The following DNAH11 variants were observed in gnomAD, a reference collection of about 807,000 sequenced individuals.
The protein encoded by DNAH11 is axonemal beta dynein heavy chain 11.
In DNAH11, 442 loss-of-function variants were observed where a neutral mutation model predicts 526.0. The observed-to-expected ratio is 0.84, with a 90% CI of 0.78 to 0.91. The LOEUF is 0.91. Ranked by LOEUF, DNAH11 falls within the 40% of genes least tolerant of loss-of-function variation. The pLI, the probability that DNAH11 is intolerant of heterozygous loss-of-function variation, is 0.00. For synonymous variants in DNAH11, 2,461 were observed against 1,935.9 expected (o/e 1.27, Z -7.12); for missense variants, 6,989 against 5,448.7 (o/e 1.28, Z -8.90).
Position 21,702,725 on chromosome 7 carries a change from G to A in DNAH11, c.6196G>A (p.Gly2066Arg). 6.2e-7 allele frequency: 1 copy of A among 1,613,420 alleles called. No homozygotes were observed. The highest frequency in any genetic ancestry group is 1.7e-4 in the Middle Eastern group (1 of 6,060). The change falls in exon 37 of 82, where the codon GGA becomes AGA. Residue 2066 changes from glycine to arginine, a missense_variant. Physicochemically the swap from Gly to Arg is moderately radical, Grantham distance 125. Transcript: ENST00000409508. ...LLSKQDHYDW[G>R]LRAIKSVLVV... ...TTGATTTTAGGATCATTACGACTGG[G>A]GACTTCGTGCTATTAAGTCTGTCTT...
intron 61 of DNAH11, among the ~76,000 whole-genome samples, chr7:21,792,061 T>C (rs1465304858): frequency 1.3e-5 from 2 of 152,286 alleles, no homozygotes; most frequent in Non-Finnish European, 2.9e-5. Flanking sequence ...GAGTGACAGA[T>C]GGGCCTTTTT....
intron 72 of DNAH11, among the ~76,000 whole-genome samples, chr7:21,868,268 G>A (rs1783362839): frequency 6.6e-6 from 1 of 152,076 alleles, no homozygotes; most frequent in Admixed American, 6.5e-5. Context: ...GGGCCAGAGG[G>A]CAATTTTCCA....
At chr7:21,803,090 T>C (rs1448151612) in intron 62 of DNAH11, among the ~76,000 whole-genome samples, 1 of 152,072 alleles carries the variant, frequency 6.6e-6, no homozygotes, top group African/African-American at 2.4e-5. Context: ...ATATAACATA[T>C]ATATCTAAAA....
At chr7:21,622,787 C>G (rs998940687) in intron 25 of DNAH11, among the ~76,000 whole-genome samples, 2 of 152,130 alleles carry the variant, frequency 1.3e-5, no homozygotes, top group African/African-American at 4.8e-5. Flanking sequence ...GAAACTGGAT[C>G]CCTTCCTTAC....
intron 71 of DNAH11, among the ~76,000 whole-genome samples, chr7:21,867,038 T>G (rs1033856221): frequency 6.6e-6 from 1 of 152,210 alleles, no homozygotes; most frequent in Non-Finnish European, 1.5e-5. Context: ...TTCTGAAGAT[T>G]TTGCATGTCA....
At chr7:21,672,915 C>T (rs1447546604) in intron 30 of DNAH11, among the ~76,000 whole-genome samples, 3 of 152,304 alleles carry the variant, frequency 2.0e-5, no homozygotes, top group East Asian at 1.9e-4. Context: ...CATTGTCCTA[C>T]ATGGTGAACC....
chr7:21,825,934 G>A (rs1049075203), intron 65 of DNAH11, among the ~76,000 whole-genome samples: 18 of 151,334 alleles, frequency 1.2e-4, no homozygotes, highest in African/African-American at 4.1e-4. Flanking sequence ...ACTCCAGCCT[G>A]GGCGAAGGAG....
chr7:21,647,090 G>C (rs1309701330), intron 28 of DNAH11, among the ~76,000 whole-genome samples: 1 of 152,168 alleles, frequency 6.6e-6, no homozygotes, highest in Non-Finnish European at 1.5e-5. Flanking sequence ...GTGAGACCTG[G>C]AAAATATCAG....
chr7:21,732,665 G>A (rs1156816230), intron 45 of DNAH11, among the ~76,000 whole-genome samples: 2 of 152,246 alleles, frequency 1.3e-5, no homozygotes, highest in African/African-American at 4.8e-5. Flanking sequence ...TTCAGAAGTC[G>A]AATAATCACA....
At chr7:21,717,403 A>T (rs1469813822) in intron 42 of DNAH11, among the ~76,000 whole-genome samples, 1 of 152,286 alleles carries the variant, frequency 6.6e-6, no homozygotes, top group Non-Finnish European at 1.5e-5. Context: ...GCCAAGATTA[A>T]TCAAGAAAAA....
intron 20 of DNAH11, among the ~76,000 whole-genome samples, chr7:21,613,279 T>A (rs1406027462): frequency 6.6e-6 from 1 of 152,120 alleles, no homozygotes; most frequent in Non-Finnish European, 1.5e-5. Flanking sequence ...TAGCAATACA[T>A]TAATGTGAAA....
At chr7:21,794,578 G>A (rs1409877216) in intron 61 of DNAH11, among the ~76,000 whole-genome samples, 1 of 152,166 alleles carries the variant, frequency 6.6e-6, no homozygotes, top group Non-Finnish European at 1.5e-5. Context: ...TTGTGTGAAA[G>A]CTAGCTGGGG....
At chr7:21,853,336 T>C (rs565857086) in intron 67 of DNAH11, among the ~76,000 whole-genome samples, 1 of 152,344 alleles carries the variant, frequency 6.6e-6, no homozygotes, top group Non-Finnish European at 1.5e-5. Context: ...CAGCAGAAGC[T>C]GTGTCACTAC....
intron 2 of DNAH11, among the ~76,000 whole-genome samples, chr7:21,550,940 A>G (rs1782998352): frequency 6.6e-6 from 1 of 152,154 alleles, no homozygotes; most frequent in Non-Finnish European, 1.5e-5. Context: ...TCTTTCTCCC[A>G]TGGCCTGTTT....
intron 76 of DNAH11, among the ~76,000 whole-genome samples, chr7:21,887,730 C>G (rs1213612789): frequency 6.6e-6 from 1 of 152,128 alleles, no homozygotes; most frequent in African/African-American, 2.4e-5. Flanking sequence ...TCTGTGATAA[C>G]AATGGGAATC....
At chr7:21,629,067 G>T in intron 25 of DNAH11, among the ~76,000 whole-genome samples, 1 of 151,702 alleles carries the variant, frequency 6.6e-6, no homozygotes. Context: ...CTTATTACTG[G>T]CTTTTACTGT....
chr7:21,899,121 A>C (rs1784639788), intron 79 of DNAH11, among the ~76,000 whole-genome samples: 1 of 152,194 alleles, frequency 6.6e-6, no homozygotes, highest in South Asian at 2.1e-4. Context: ...ATCTTGCTCT[A>C]ATGTAAACGC....
chr7:21,613,310 T>G (rs1785613743), intron 20 of DNAH11, among the ~76,000 whole-genome samples: 1 of 152,038 alleles, frequency 6.6e-6, no homozygotes, highest in South Asian at 2.1e-4. Context: ...AATTAGATTA[T>G]TAAATAAAAA....
chr7:21,582,258 T>A (rs1419236197), intron 9 of DNAH11, among the ~76,000 whole-genome samples: 1 of 152,236 alleles, frequency 6.6e-6, no homozygotes, highest in Non-Finnish European at 1.5e-5. Context: ...CACAGTGTTT[T>A]AGCTCTCATT....
Sources: gnomAD v4.1 joint callset for allele counts (sites outside exome capture counted in the v4.1 genomes callset) on GRCh38, gnomAD v4.1.1 for gene constraint, MANE v1.5 for transcripts, NCBI Gene and HGNC (gene_info 2026-07-23, HGNC 2026-07-21) for gene names.